ECM1: variants seen among roughly 807,000 people sequenced by gnomAD.
ECM1 encodes the protein secretory component p85.
In ECM1, 54 loss-of-function variants were observed where a neutral mutation model predicts 57.9. The ratio of observed to expected loss-of-function variants is 0.93; its 90% CI spans 0.75 to 1.17. The LOEUF (loss-of-function observed/expected upper bound fraction) is 1.17, where lower values mean the gene tolerates loss of function less well. ECM1 is among the 50% of genes most tolerant of loss of function. ECM1 has a pLI of 0.00. For missense variants in ECM1, 649 were observed against 688.1 expected, an observed-to-expected ratio of 0.94 and a Z score of 0.64; for synonymous variants, 237 against 259.1, an observed-to-expected ratio of 0.91 and a Z score of 0.82.
rs1484205752 is a variant in ECM1, at chr1:150,509,552, G to C, written c.92G>C (p.Arg31Thr). ...CCAGGCTTCACGGCTACAGGACAGAGGCAGCTGAGGCCAGAGCACTTTCAA... is the reference window on the plus strand; with the variant it reads ...CCAGGCTTCACGGCTACAGGACAGACGCAGCTGAGGCCAGAGCACTTTCAA... ...SEGGFTATGQRQLRPEHFQEV... is the reference protein window; with the variant it reads ...SEGGFTATGQTQLRPEHFQEV... The change falls in exon 2 of 10, where the codon AGG becomes ACG. Residue 31 changes from arginine to threonine, a missense_variant. Arg to Thr is a moderately conservative substitution (Grantham distance 71). Transcript: ENST00000369047. 3 of 1,614,062 alleles carry C rather than the reference G, an allele frequency of 1.9e-6. No individual in the cohort carries two copies. Among genetic ancestry groups the C allele is most frequent in the Non-Finnish European group, 2.5e-6 (3 of 1,180,042 alleles).
chr1:150,511,267 G>A, intron 6 of ECM1, 69 bp downstream of exon 6: 1 of 1,603,792 alleles, frequency 6.2e-7, no homozygotes, highest in South Asian at 1.1e-5. Flanking sequence ...TTAAGGGTTA[G>A]AGCACTAGGC....
At chr1:150,508,406 C>T (rs1670334279) in intron 1 of ECM1, 127 bp downstream of exon 1, 2 of 976,590 alleles carry the variant, frequency 2.0e-6, no homozygotes, top group Non-Finnish European at 1.6e-6. Context: ...TCTGAGCAGG[C>T]CCAAAGTGGG....
chr1:150,510,384 G>A lies in ECM1; in HGVS notation c.385+202G>A. 4 of 617,026 alleles carry A rather than the reference G, an allele frequency of 6.5e-6. No individual in the cohort carries two copies. In the Admixed American group the frequency reaches 8.6e-5, roughly 13 times the overall value. The allele number at this position is 617,026 out of a possible 1,614,324, so 38.2% of individuals were successfully genotyped here. The stretch of plus-strand genomic sequence containing the variant: ...TTTAGAAAGTTATGTGATTAGATGT[G>A]CAAAAATAGCATCTATTTTCACTTG... On this transcript the variant is annotated intron_variant, in intron 5 of 9. Coordinates refer to ENST00000369047, the MANE Select transcript of ECM1 (RefSeq NM_004425.4).
rs1159406850 is a variant in ECM1, at chr1:150,509,939, CAGG to C, written c.245_247del (p.Glu82del). Reference sequence around the variant, plus strand: ...TTCTATAGTGCAGCCCCCTCCCTCTCAGGAGGCCACCCCTCTCCAACAGGAAAA... The same window carrying C: ...TTCTATAGTGCAGCCCCCTCCCTCTCAGGCCACCCCTCTCCAACAGGAAAA... On this transcript the variant is annotated inframe_deletion, in exon 4 of 10. Coordinates refer to ENST00000369047, the MANE Select transcript of ECM1 (RefSeq NM_004425.4). The C allele has an allele frequency of 6.2e-7, 1 of 1,614,190 alleles. No homozygotes were observed. The highest frequency in any genetic ancestry group is 1.1e-5 in the South Asian group (1 of 91,088).
rs754444452 is a variant in ECM1, at chr1:150,511,735, C to A, written c.987C>A (p.Asp329Glu). 4 of 1,614,108 alleles carry A rather than the reference C, an allele frequency of 2.5e-6. No homozygotes were observed. In the South Asian group the frequency reaches 3.3e-5, roughly 13 times the overall value. ...RSVPRNLPAT[D>E]PLQRELLALI... Reference sequence around the variant, plus strand: ...TGCCACGCAACCTGCCAGCTACTGACCCCCTACAAAGGGAGCTGCTGGCAC... The same window carrying A: ...TGCCACGCAACCTGCCAGCTACTGAACCCCTACAAAGGGAGCTGCTGGCAC... Residue 329 changes from aspartate (D) to glutamate (E), a missense_variant, in exon 7 of 10, where the codon GAC becomes GAA. Physicochemically the swap from Asp to Glu is conservative, Grantham distance 45. Coordinates refer to ENST00000369047, the MANE Select transcript of ECM1 (RefSeq NM_004425.4).
chr1:150,513,263 T>C lies in ECM1; in HGVS notation c.1419T>C (p.Cys473=), dbSNP rs1670492786. The change falls in exon 10 of 10, where the codon TGT becomes TGC. Residue 473 remains cysteine, a synonymous_variant. Coordinates refer to ENST00000369047, the MANE Select transcript of ECM1 (RefSeq NM_004425.4). ...EEKLTFINDL[C]GPRRNIWRDP... is the part of the protein sequence containing the mutation. ...AATTAACCTTCATCAATGATCTGTG[T>C]GGTCCCCGACGTAACATCTGGCGAG... 5 of 1,614,116 alleles carry C rather than the reference T, an allele frequency of 3.1e-6. No homozygotes were observed. The highest frequency in any genetic ancestry group is 4.2e-6 in the Non-Finnish European group (5 of 1,180,048).
In ECM1 at chr1:150,510,965, G is replaced by C. The variant is rs759807520; in HGVS notation, c.475G>C (p.Gly159Arg). ...CTGCCAACAGGACCGGTCCCAAGGG[G>C]GCTGGGGCCACCGGCTGGATGGCTT... is the stretch of plus-strand genomic sequence containing the variant. ...QHCQQDRSQG[G>R]WGHRLDGFPP... Residue 159 changes from glycine (G) to arginine (R), a missense_variant, in exon 6 of 10, where the codon GGC (glycine) becomes CGC (arginine). Coordinates refer to ENST00000369047, the MANE Select transcript of ECM1 (RefSeq NM_004425.4). The C allele has an allele frequency of 3.1e-6, 5 of 1,614,082 alleles. No individual in the cohort carries two copies. In the South Asian group the frequency reaches 5.5e-5, roughly 18 times the overall value.
At chr1:150,510,422 G>A in intron 5 of ECM1, 2 of 601,006 alleles carry the variant, frequency 3.3e-6, no homozygotes, top group Non-Finnish European at 5.9e-6. Flanking sequence ...TCTCTGCTGA[G>A]TTCTTCTTTG....
At chr1:150,513,122 C>T (rs1670488685) in intron 9 of ECM1, 115 bp from the exon 10 acceptor site, 11 of 1,120,292 alleles carry the variant, frequency 9.8e-6, no homozygotes, top group African/African-American at 4.6e-5. Context: ...AGGAGGGGAA[C>T]GAGGGAGAGA....
chr1:150,512,832 T>A lies in ECM1; in HGVS notation c.1392+20T>A, dbSNP rs1184151203. ...GAGGAGGTGAGTGTGTGGAGTCTAGTCTCCAGAGGAATGCAGGGGAGGGGA... is the reference window on the plus strand; with the variant it reads ...GAGGAGGTGAGTGTGTGGAGTCTAGACTCCAGAGGAATGCAGGGGAGGGGA... On this transcript the variant is annotated intron_variant, in intron 9 of 9. Transcript: ENST00000369047. The A allele has an allele frequency of 6.2e-7, 1 of 1,612,108 alleles. No individual in the cohort carries two copies. The highest frequency in any genetic ancestry group is 1.1e-5 in the South Asian group (1 of 91,038).
Position 150,511,509 on chromosome 1 carries a change from G to C in ECM1, c.761G>C (p.Arg254Pro). 6.2e-7 allele frequency: 1 copy of C among 1,614,152 alleles called. No homozygotes were observed. Among genetic ancestry groups the C allele is most frequent in the South Asian group, 1.1e-5 (1 of 91,072 alleles). Reference protein sequence around the residue: ...FCEAEFSVKTRPHWCCTRQGE... With the variant: ...FCEAEFSVKTPPHWCCTRQGE... ...GAGGCCGAGTTCTCGGTCAAGACCC[G>C]ACCCCACTGGTGCTGCACGCGGCAG... Residue 254 changes from arginine (R) to proline (P), a missense_variant, in exon 7 of 10, where the codon CGA becomes CCA. Arg to Pro is a moderately radical substitution (Grantham distance 103, BLOSUM62 -2). Coordinates refer to ENST00000369047, the MANE Select transcript of ECM1 (RefSeq NM_004425.4).
intron 5 of ECM1, 163 bp downstream of exon 5, chr1:150,510,345 G>C: frequency 1.4e-6 from 1 of 699,050 alleles, no homozygotes; most frequent in East Asian, 2.7e-5. Flanking sequence ...CTGTAAAATT[G>C]AGGATATACC....
intron 3 of ECM1, 32 bp from the exon 4 acceptor site, chr1:150,509,890 G>A (rs758874842): frequency 4.5e-5 from 72 of 1,613,850 alleles, no homozygotes; most frequent in Non-Finnish European, 5.6e-5. Context: ...TAGGAGAAAG[G>A]GTGGGCTGCT....
At chr1:150,509,383 TAGGGGACACGGGGCAGGTGAATACAG>T in intron 1 of ECM1, 122 bp from the exon 2 acceptor site, 4 of 822,220 alleles carry the variant, frequency 4.9e-6, no homozygotes, top group Non-Finnish European at 8.1e-6. Context: ...GGGAGAGGAT[TAGGGGACACGGGGCAGGTGAATACAG>T]AGGGGCATCT....
rs764189644 is a variant in ECM1 at position 150,512,809 on chromosome 1, G to A, written c.1389G>A (p.Glu463=). 4 of 1,614,046 alleles carry A rather than the reference G, an allele frequency of 2.5e-6. 1 individual carries two copies. Among genetic ancestry groups the A allele is most frequent in the East Asian group, 4.5e-5 (2 of 44,896 alleles). Residue 463 remains glutamate (E), a synonymous_variant, in exon 9 of 10, where the codon GAG becomes GAA. Transcript: ENST00000369047. Reference sequence around the variant, plus strand: ...CAGAACAGGCCTGCTGTGCAGAGGAGGAGGTGAGTGTGTGGAGTCTAGTCT... The same window carrying A: ...CAGAACAGGCCTGCTGTGCAGAGGAAGAGGTGAGTGTGTGGAGTCTAGTCT... ...PFPEQACCAE[E]EKLTFINDLC... is the part of the protein sequence containing the mutation.
chr1:150,511,618 T>A lies in ECM1; in HGVS notation c.870T>A (p.Asp290Glu). The change falls in exon 7 of 10, where the codon GAT becomes GAA. Residue 290 changes from aspartate to glutamate, a missense_variant. Physicochemically the swap from Asp to Glu is conservative, Grantham distance 45. Coordinates refer to ENST00000369047, the MANE Select transcript of ECM1 (RefSeq NM_004425.4). The stretch of plus-strand genomic sequence containing the variant: ...GGGCCTGCCCCAGCCATCAGCCTGA[T>A]ATTTCCTCGGGTCTTGAGCTGCCTT... ...QLRACPSHQP[D>E]ISSGLELPFP... is the part of the protein sequence containing the mutation. 2.5e-6 allele frequency: 4 copies of A among 1,614,160 alleles called. No homozygotes were observed. Among genetic ancestry groups the A allele is most frequent in the Non-Finnish European group, 3.4e-6 (4 of 1,180,026 alleles).
chr1:150,508,894 C>A (rs1670351224), intron 1 of ECM1, among the ~76,000 whole-genome samples: 1 of 152,120 alleles, frequency 6.6e-6, no homozygotes, highest in South Asian at 2.1e-4. Flanking sequence ...TCTGTGAAGC[C>A]CCATGCCATC....
rs1670371885 is a variant in ECM1 at position 150,509,425 on chromosome 1, C to T, written c.71-106C>T. The T allele has an allele frequency of 5.5e-6, 7 of 1,272,696 alleles. No homozygotes were observed. In the Admixed American group the frequency reaches 1.2e-4, roughly 22 times the overall value. The allele number at this position is 1,272,696 out of a possible 1,614,324, so 78.8% of individuals were successfully genotyped here. A position where few individuals can be genotyped will look rare whatever the true frequency, so the allele number is the denominator to read the frequency against. ...GTGAATACAGAGGGGCATCTCGTGTCTTGCTTGTCTGTCCTACACTCTTGA... is the reference window on the plus strand; with the variant it reads ...GTGAATACAGAGGGGCATCTCGTGTTTTGCTTGTCTGTCCTACACTCTTGA... On this transcript the variant is annotated intron_variant, in intron 1 of 9. Coordinates refer to ENST00000369047, the MANE Select transcript of ECM1 (RefSeq NM_004425.4).
Position 150,511,697 on chromosome 1 carries a change from C to T in ECM1, c.949C>T (p.Arg317Cys), listed in dbSNP as rs748043488. Residue 317 changes from arginine (R) to cysteine (C), a missense_variant, in exon 7 of 10, where the codon CGC becomes TGC. Coordinates refer to ENST00000369047, the MANE Select transcript of ECM1 (RefSeq NM_004425.4). ...DNIKNICHLR[R>C]FRSVPRNLPA... ...TATCAAGAACATCTGCCACCTGAGGCGCTTCCGCTCTGTGCCACGCAACCT... is the reference window on the plus strand; with the variant it reads ...TATCAAGAACATCTGCCACCTGAGGTGCTTCCGCTCTGTGCCACGCAACCT... 28 of 1,614,010 alleles carry T rather than the reference C, an allele frequency of 1.7e-5. No homozygotes were observed. The highest frequency in any genetic ancestry group is 1.6e-4 in the Middle Eastern group (1 of 6,084).
Sources: allele counts gnomAD v4.1 joint callset (sites outside exome capture counted in the v4.1 genomes callset), GRCh38; gene constraint gnomAD v4.1.1; transcripts MANE v1.5; gene names NCBI Gene and HGNC (gene_info 2026-07-23, HGNC 2026-07-21).